The following ARMC2 variants were observed in gnomAD, a reference collection of about 807,000 sequenced individuals.
ARMC2 encodes the protein armadillo repeat containing 2.
In ARMC2, 67 loss-of-function variants were observed where a neutral mutation model predicts 90.3. The ratio of observed to expected loss-of-function variants is 0.74; its 90% CI spans 0.61 to 0.91. The LOEUF (loss-of-function observed/expected upper bound fraction) is 0.91, where lower values mean the gene tolerates loss of function less well. ARMC2 is among the 40% of genes least tolerant of loss of function. The pLI is 0.00. For synonymous variants in ARMC2, 393 were observed against 393.0 expected (o/e 1.00, Z 0.00); for missense variants, 920 against 1,030.9 (o/e 0.89, Z 1.47).
chr6:108,891,291 G>A (rs1771001512), intron 5 of ARMC2, among the ~76,000 whole-genome samples: 1 of 152,166 alleles, frequency 6.6e-6, no homozygotes, highest in African/African-American at 2.4e-5. Flanking sequence ...TGGGTCAAAT[G>A]GTATTTCTGG....
the ARMC2 span, among the ~76,000 whole-genome samples, chr6:108,987,806 C>CTTTTTT: frequency 0.15 from 20,051 of 135,068 alleles, 1,794 homozygotes; most frequent in Middle Eastern, 0.23. Flanking sequence ...CAGCAGCTAT[C>CTTTTTT]TTTTTTTTTT....
intron 2 of ARMC2, among the ~76,000 whole-genome samples, chr6:108,855,564 C>G (rs755539833): frequency 1.3e-5 from 2 of 152,154 alleles, no homozygotes; most frequent in Non-Finnish European, 2.9e-5. Context: ...TTTTCAACTC[C>G]TTTGGGTAAA....
chr6:108,986,424 T>C, the ARMC2 span: 1 of 152,632 alleles, frequency 6.6e-6, no homozygotes, highest in Non-Finnish European at 1.5e-5. Flanking sequence ...TTTTAAGAGA[T>C]TGAGACAGCA....
chr6:108,893,647 T>A (rs1205015716), intron 5 of ARMC2, among the ~76,000 whole-genome samples: 1 of 152,278 alleles, frequency 6.6e-6, no homozygotes, highest in East Asian at 1.9e-4. Flanking sequence ...TTCTAGTAAC[T>A]GTATTTCATG....
chr6:109,036,798 G>T, the ARMC2 span, among the ~76,000 whole-genome samples: 1 of 152,064 alleles, frequency 6.6e-6, no homozygotes, highest in African/African-American at 2.4e-5. Context: ...CATTAGTAGA[G>T]TATCATATGT....
chr6:108,882,326 C>G (rs1777668006), intron 5 of ARMC2, among the ~76,000 whole-genome samples: 1 of 151,670 alleles, frequency 6.6e-6, no homozygotes, highest in Non-Finnish European at 1.5e-5. Flanking sequence ...GTAGTCCCAG[C>G]TACTCGGGAG....
At chr6:108,944,408 T>G (rs1477782697) in intron 12 of ARMC2, among the ~76,000 whole-genome samples, 1 of 152,124 alleles carries the variant, frequency 6.6e-6, no homozygotes, top group Non-Finnish European at 1.5e-5. Flanking sequence ...TGGGACCAAA[T>G]CTAGTTTGAA....
intron 7 of ARMC2, among the ~76,000 whole-genome samples, chr6:108,900,790 A>G (rs1160014519): frequency 6.6e-6 from 1 of 152,132 alleles, no homozygotes; most frequent in Non-Finnish European, 1.5e-5. Context: ...TCTGTGTGCA[A>G]TAGTGTTCTC....
chr6:108,989,523 ATATC>A, the ARMC2 span, among the ~76,000 whole-genome samples: 2 of 148,676 alleles, frequency 1.3e-5, no homozygotes, highest in East Asian at 2.0e-4. Flanking sequence ...ATATAGAGAG[ATATC>A]TATAGAGATA....
chr6:109,009,058 T>C, the ARMC2 span: 2,413 of 933,750 alleles, frequency 2.6e-3, 6 homozygotes, highest in Non-Finnish European at 3.1e-3. Context: ...GTTATTTACG[T>C]ATTGGAGACT....
chr6:109,002,420 A>AT, the ARMC2 span: 16 of 1,154,098 alleles, frequency 1.4e-5, no homozygotes, highest in Non-Finnish European at 2.1e-5. Flanking sequence ...TGGGAGGGAA[A>AT]AACAACCAGT....
chr6:109,029,255 CTGA>C, the ARMC2 span, among the ~76,000 whole-genome samples: 2 of 152,142 alleles, frequency 1.3e-5, no homozygotes, highest in Admixed American at 1.3e-4. Flanking sequence ...TTCCTAGCCA[CTGA>C]TGACTAAGGA....
At chr6:108,980,793 T>A in the ARMC2 span, among the ~76,000 whole-genome samples, 661 of 152,284 alleles carry the variant, frequency 4.3e-3, 5 homozygotes, top group Non-Finnish European at 6.7e-3. Flanking sequence ...GTGGCTTTGT[T>A]TCATGAAAAT....
At chr6:109,003,845 A>C in the ARMC2 span, among the ~76,000 whole-genome samples, 49 of 152,318 alleles carry the variant, frequency 3.2e-4, 1 homozygote, top group East Asian at 5.8e-4. Context: ...CCAATTACAT[A>C]CATTTGAAAC....
intron 12 of ARMC2, among the ~76,000 whole-genome samples, chr6:108,951,027 G>C (rs1777142497): frequency 6.6e-6 from 1 of 152,162 alleles, no homozygotes; most frequent in African/African-American, 2.4e-5. Flanking sequence ...AGAAATGCCC[G>C]AATCATTGCT....
At chr6:108,975,354 C>A (rs1583247648), downstream of ARMC2, among the ~76,000 whole-genome samples, 1 of 152,062 alleles carries the variant, frequency 6.6e-6, no homozygotes, top group African/African-American at 2.4e-5. Context: ...TTTATGGCTT[C>A]ATAGTATTCC....
rs142980167 is a variant in ARMC2 at position 108,859,803 on chromosome 6, G to A, written c.291+1532G>A. Among the ~76,000 whole-genome samples the A allele has an allele frequency of 3.9e-3, 597 of 152,142 alleles. 9 individuals are homozygous for A. Among genetic ancestry groups the A allele is most frequent in the African/African-American group, 0.014 (580 of 41,522 alleles). ...GCAGATCACCTGGGGTCCGGAGTTC[G>A]AGACCATCCTGACCAACATGGTGAA... On this transcript the variant is annotated intron_variant, in intron 3 of 17. Coordinates refer to ENST00000392644, the MANE Select transcript of ARMC2 (RefSeq NM_032131.6).
At chr6:108,905,894 A>G (rs1444179361) in intron 8 of ARMC2, among the ~76,000 whole-genome samples, 3 of 152,234 alleles carry the variant, frequency 2.0e-5, no homozygotes, top group African/African-American at 4.8e-5. Flanking sequence ...AAATCCATCA[A>G]GGCCAACTTC....
chr6:109,032,624 G>A, the ARMC2 span, among the ~76,000 whole-genome samples: 16 of 151,766 alleles, frequency 1.1e-4, no homozygotes, highest in Non-Finnish European at 4.4e-5. Flanking sequence ...TCTCGTGGGG[G>A]GAGTGGGGGG....
Sources: gnomAD v4.1 joint callset for allele counts (sites outside exome capture counted in the v4.1 genomes callset) on GRCh38, gnomAD v4.1.1 for gene constraint, MANE v1.5 for transcripts, NCBI Gene and HGNC (gene_info 2026-07-23, HGNC 2026-07-21) for gene names.